ABCB11: variants seen among roughly 807,000 people sequenced by gnomAD.
ABCB11 encodes the protein ATP binding cassette subfamily B member 11, also known as bile salt export pump.
In ABCB11, 95 loss-of-function variants were observed where a neutral mutation model predicts 148.0. The observed-to-expected ratio is 0.64, with a 90% CI of 0.54 to 0.76. The LOEUF is 0.76. ABCB11 is among the 30% of genes least tolerant of loss of function. The pLI is 0.00. For synonymous variants in ABCB11, 591 were observed against 555.4 expected (o/e 1.06, Z -0.90); for missense variants, 1,523 against 1,617.8 (o/e 0.94, Z 1.01).
At chr2:168,925,550 A>C (rs1691272074) in intron 26 of ABCB11, among the ~76,000 whole-genome samples, 1 of 152,226 alleles carries the variant, frequency 6.6e-6, no homozygotes, top group African/African-American at 2.4e-5. Flanking sequence ...AAACTTAGGC[A>C]CAGGGAGGTA....
rs150964490 is a variant in ABCB11, at chr2:168,998,158, A to G, written c.390-1436T>C. ...TGAACAGAGAGTATACTATATTATT[A>G]TAAGTAAAAGCTTTCTAAGGTATAC... is the stretch of plus-strand genomic sequence containing the variant. On this transcript the variant is annotated intron_variant, in intron 5 of 27. Coordinates refer to ENST00000650372, the MANE Select transcript of ABCB11 (RefSeq NM_003742.4). Among the ~76,000 whole-genome samples the G allele has an allele frequency of 4.1e-3, 629 of 152,190 alleles. 3 individuals are homozygous for G. Among genetic ancestry groups the G allele is most frequent in the African/African-American group, 0.014 (600 of 41,540 alleles).
intron 5 of ABCB11, among the ~76,000 whole-genome samples, chr2:169,007,743 G>C (rs1444892424): frequency 6.6e-6 from 1 of 151,924 alleles, no homozygotes; most frequent in Non-Finnish European, 1.5e-5. Context: ...TGGTTTCTTA[G>C]ATATGACACC....
At chr2:169,028,396 AAGGCTC>A (rs1695764113) in intron 1 of ABCB11, among the ~76,000 whole-genome samples, 1 of 152,088 alleles carries the variant, frequency 6.6e-6, no homozygotes, top group South Asian at 2.1e-4. Flanking sequence ...AGAGCTGGAG[AAGGCTC>A]TGGAGCAAGT....
chr2:168,916,811 T>C (rs1393731533), downstream of ABCB11, among the ~76,000 whole-genome samples: 5 of 152,244 alleles, frequency 3.3e-5, no homozygotes, highest in South Asian at 6.2e-4. Flanking sequence ...AATTTTGTAT[T>C]TCCTCTAACA....
intron 13 of ABCB11, among the ~76,000 whole-genome samples, chr2:168,972,908 C>G (rs1693648863): frequency 6.6e-6 from 1 of 152,022 alleles, no homozygotes; most frequent in Non-Finnish European, 1.5e-5. Context: ...CTCTGACTCT[C>G]TGCTTCCTTG....
chr2:169,014,402 T>C, intron 3 of ABCB11, 48 bp from the exon 4 acceptor site: 2 of 1,542,168 alleles, frequency 1.3e-6, no homozygotes, highest in Non-Finnish European at 1.8e-6. Flanking sequence ...TCCAATACAA[T>C]GGGAAATTCT....
intron 1 of ABCB11, among the ~76,000 whole-genome samples, chr2:169,029,772 C>A (rs1321918076): frequency 9.9e-6 from 1 of 100,910 alleles, no homozygotes; most frequent in Non-Finnish European, 1.9e-5. Context: ...CTCGCTCTGT[C>A]GCCCAGGCCG....
chr2:168,959,406 A>C (rs1692950925), intron 18 of ABCB11, among the ~76,000 whole-genome samples: 1 of 151,678 alleles, frequency 6.6e-6, no homozygotes, highest in Non-Finnish European at 1.5e-5. Flanking sequence ...TGAGTGTAAT[A>C]GGCATAGAAA....
At chr2:168,971,703 G>C in intron 14 of ABCB11, 144 bp downstream of exon 14, 1 of 712,110 alleles carries the variant, frequency 1.4e-6, no homozygotes, top group Non-Finnish European at 2.4e-6. Context: ...AAACACTCAT[G>C]GTACTTTTTC....
chr2:168,972,651 T>C (rs751743635), intron 13 of ABCB11, among the ~76,000 whole-genome samples: 5 of 152,038 alleles, frequency 3.3e-5, no homozygotes, highest in Non-Finnish European at 5.9e-5. Flanking sequence ...AGAGATGAGA[T>C]GTCTGTGAAA....
At chr2:169,007,403 A>G (rs757243920) in intron 5 of ABCB11, among the ~76,000 whole-genome samples, 5 of 152,214 alleles carry the variant, frequency 3.3e-5, no homozygotes, top group Non-Finnish European at 5.9e-5. Context: ...ACTGCTATAA[A>G]GAAATACCTG....
At chr2:168,941,348 G>A (rs942057744) in intron 21 of ABCB11, among the ~76,000 whole-genome samples, 3 of 151,950 alleles carry the variant, frequency 2.0e-5, no homozygotes, top group African/African-American at 4.8e-5. Context: ...TTCATGGGAG[G>A]AGGTCAGAAT....
rs1419976300 is a variant in ABCB11, at chr2:169,016,732, G to T, written c.98+46C>A. 4.6e-6 allele frequency: 7 copies of T among 1,518,490 alleles called. No homozygotes were observed. The Admixed American group carries it at 1.2e-4, about 26-fold the overall frequency. 94.1% of individuals were successfully genotyped at this position (1,518,490 alleles called of 1,614,324 possible). A position where few individuals can be genotyped will look rare whatever the true frequency, so the allele number is the denominator to read the frequency against. On this transcript the variant is annotated intron_variant, in intron 3 of 27. Transcript: ENST00000650372. ...TTGTGCCTTTGATATGAATATTATG[G>T]AGTTATTCTAGAAAAGATGCTGCAT...
chr2:168,997,084 C>A (rs1573958147), intron 5 of ABCB11, among the ~76,000 whole-genome samples: 1 of 151,926 alleles, frequency 6.6e-6, no homozygotes, highest in Non-Finnish European at 1.5e-5. Context: ...TTAGTCTCTT[C>A]CATGCATACT....
rs867943260 is a variant in ABCB11, at chr2:168,991,753, T to C, written c.784-828A>G. Among the ~76,000 whole-genome samples, 3 of 152,108 alleles carry C rather than the reference T, an allele frequency of 2.0e-5. No homozygotes were observed. In the Middle Eastern group the frequency reaches 0.01, roughly 521 times the overall value. ...AAATTAAGTAAGTATTCATAGTAGTTTTTAAAAACAATATATTAATTTCAT... is the reference window on the plus strand; with the variant it reads ...AAATTAAGTAAGTATTCATAGTAGTCTTTAAAAACAATATATTAATTTCAT... On this transcript the variant is annotated intron_variant, in intron 8 of 27. Transcript: ENST00000650372.
intron 1 of ABCB11, among the ~76,000 whole-genome samples, chr2:169,024,541 G>C (rs202019325): frequency 1.6e-5 from 1 of 62,060 alleles, no homozygotes; most frequent in African/African-American, 4.7e-5. Context: ...TCTTACATTA[G>C]TATTAACGTA....
intron 5 of ABCB11, among the ~76,000 whole-genome samples, chr2:169,008,258 G>A (rs1393994906): frequency 6.6e-6 from 1 of 152,178 alleles, no homozygotes; most frequent in East Asian, 1.9e-4. Context: ...GGTGCTGACA[G>A]GGCTGTGTTC....
Position 168,970,028 on chromosome 2 carries a change from C to T in ABCB11, c.1809+17G>A. 1.3e-6 allele frequency: 2 copies of T among 1,563,498 alleles called. No homozygotes were observed. Among genetic ancestry groups the T allele is most frequent in the Non-Finnish European group, 1.7e-6 (2 of 1,148,056 alleles). On this transcript the variant is annotated intron_variant, in intron 15 of 27. Coordinates refer to ENST00000650372, the MANE Select transcript of ABCB11 (RefSeq NM_003742.4). ...TTTCCACATGGACCTGTAAAATGGA[C>T]TAAGACTTCCACAAACCTTACTCAG...
chr2:168,949,076 C>G (rs1038691537), intron 19 of ABCB11, among the ~76,000 whole-genome samples: 1 of 151,592 alleles, frequency 6.6e-6, no homozygotes, highest in Non-Finnish European at 1.5e-5. Flanking sequence ...AGTCCTGGCC[C>G]CATCACCTTG....
Sources: gnomAD v4.1 joint callset for allele counts (sites outside exome capture counted in the v4.1 genomes callset) on GRCh38, gnomAD v4.1.1 for gene constraint, MANE v1.5 for transcripts, NCBI Gene and HGNC (gene_info 2026-07-23, HGNC 2026-07-21) for gene names.